TMPRSS13: variants seen among roughly 807,000 people sequenced by gnomAD.
TMPRSS13 encodes transmembrane serine protease 13, also known as transmembrane protease serine 13.
TMPRSS13 carries 50 observed loss-of-function variants against 68.4 expected under a neutral mutation model. The observed-to-expected ratio is 0.73, with a 90% CI of 0.58 to 0.93. The LOEUF is 0.93. TMPRSS13 is among the 40% of genes least tolerant of loss of function. The pLI, the probability that TMPRSS13 is intolerant of heterozygous loss-of-function variation, is 0.00. For missense variants in TMPRSS13, 615 were observed against 729.2 expected, an observed-to-expected ratio of 0.84 and a Z score of 1.80; for synonymous variants, 267 against 285.8, an observed-to-expected ratio of 0.93 and a Z score of 0.66.
At position 117,914,520 on chromosome 11, in the gene TMPRSS13, G is replaced by A. The variant is rs2057556023; in HGVS notation, c.557-6C>T. On this transcript the variant is annotated splice_polypyrimidine_tract_variant and splice_region_variant and intron_variant, in intron 3 of 12. Transcript: ENST00000524993. The surrounding 1 kb of genome is among the most constrained non-coding windows in gnomAD (Gnocchi z 4.2). ...GTGGCCCTGCCAGAACTGGACTAGA[G>A]AAAAAGAAGCAGACAGCTGGGTCAT... The A allele has an allele frequency of 2.5e-6, 4 of 1,613,596 alleles. No individual in the cohort carries two copies. Among genetic ancestry groups the A allele is most frequent in the African/African-American group, 1.3e-5 (1 of 74,884 alleles).
At chr11:117,909,696 T>A (rs2057500540) in intron 8 of TMPRSS13, 110 bp downstream of exon 8, 3 of 1,346,882 alleles carry the variant, frequency 2.2e-6, no homozygotes, top group Non-Finnish European at 3.0e-6. Flanking sequence ...CCATGGGGGC[T>A]GGACTCACAC....
Position 117,927,928 on chromosome 11 carries a change from T to C in TMPRSS13, c.21+1359A>G, listed in dbSNP as rs773662831. 3.7e-4 allele frequency among the ~76,000 whole-genome samples: 57 copies of C among 152,328 alleles called. 1 individual carries two copies. Among genetic ancestry groups the C allele is most frequent in the Admixed American group, 2.6e-4 (4 of 15,306 alleles). On this transcript the variant is annotated intron_variant, in intron 1 of 12. Transcript: ENST00000524993. The stretch of plus-strand genomic sequence containing the variant: ...TTGGGAGTTCCTCAAAGAAGTCTGT[T>C]CTCTGTCCTGTATCCCTCCAGCAGC...
Position 117,908,648 on chromosome 11 carries a change from C to A in TMPRSS13, c.1246G>T (p.Ala416Ser), listed in dbSNP as rs1400869297. ...YTDEEDDYDI[A>S]LMRLSKPLTL... ...AGGGGCTTGGACAGCCGCATGAGGG[C>A]GATGTCATAGTCGTCCTCCTCATCG... Residue 416 changes from alanine to serine, a missense_variant, in exon 9 of 13, where the codon GCC (alanine) becomes TCC (serine). Physicochemically the swap from Ala to Ser is moderately conservative, Grantham distance 99. Transcript: ENST00000524993. The A allele has an allele frequency of 6.3e-7, 1 of 1,576,820 alleles. No individual in the cohort carries two copies. The highest frequency in any genetic ancestry group is 8.6e-7 in the Non-Finnish European group (1 of 1,161,830).
chr11:117,919,313 T>G (rs2057619162), intron 1 of TMPRSS13, among the ~76,000 whole-genome samples: 1 of 152,240 alleles, frequency 6.6e-6, no homozygotes, highest in Non-Finnish European at 1.5e-5. Flanking sequence ...AAAATATTGT[T>G]CTTACTATGA....
chr11:117,902,349 A>G, intron 12 of TMPRSS13, 84 bp from the exon 13 acceptor site: 2 of 1,490,376 alleles, frequency 1.3e-6, no homozygotes. Context: ...TTCAGAACCT[A>G]TAATTTAGCC....
intron 5 of TMPRSS13, among the ~76,000 whole-genome samples, chr11:117,912,699 G>A (rs922082745): frequency 2.0e-5 from 3 of 152,198 alleles, no homozygotes; most frequent in Non-Finnish European, 4.4e-5. Flanking sequence ...TGCCCTTAGT[G>A]CTTCACCCAC....
At chr11:117,908,486 T>C in intron 9 of TMPRSS13, 126 bp downstream of exon 9, 2 of 993,532 alleles carry the variant, frequency 2.0e-6, no homozygotes, top group Non-Finnish European at 3.0e-6. Context: ...TCTTTAAGAG[T>C]CTTTGACTTC....
chr11:117,918,446 C>G lies in TMPRSS13; in HGVS notation c.414G>C (p.Arg138Ser). 6.2e-7 allele frequency: 1 copy of G among 1,614,110 alleles called. No homozygotes were observed. ...TGGTGGCCCTGGTTGCTGGTGCTGACCTGGCAGGAGATGATCGGATGGGTA... is the reference window on the plus strand; with the variant it reads ...TGGTGGCCCTGGTTGCTGGTGCTGAGCTGGCAGGAGATGATCGGATGGGTA... ...GAVPIRSSPA[R>S]SAPATRATRE... The change falls in exon 2 of 13, where the codon AGG (arginine) becomes AGC (serine). Residue 138 changes from arginine to serine, a missense_variant. By Grantham distance (110) the Arg-to-Ser change is moderately radical. Transcript: ENST00000524993.
chr11:117,920,004 G>T (rs1264137349), intron 1 of TMPRSS13, among the ~76,000 whole-genome samples: 1 of 152,232 alleles, frequency 6.6e-6, no homozygotes, highest in Non-Finnish European at 1.5e-5. Context: ...GTTACCACAG[G>T]GATCTTGGTC....
At chr11:117,913,930 G>A in intron 4 of TMPRSS13, 24 bp from the exon 5 acceptor site, 3 of 1,611,228 alleles carry the variant, frequency 1.9e-6, no homozygotes, top group Non-Finnish European at 1.7e-6. Flanking sequence ...AAAAGGCAGA[G>A]CAGGTCCTCA....
Position 117,908,667 on chromosome 11 carries a change from C to A in TMPRSS13, c.1227G>T (p.Glu409Asp). ...TGAGGGCGATGTCATAGTCGTCCTC[C>A]TCATCGGTGTAATTGCTGTTGATGA... ...EIIINSNYTD[E>D]EDDYDIALMR... The change falls in exon 9 of 13, where the codon GAG (glutamate) becomes GAT (aspartate). Residue 409 changes from glutamate (E) to aspartate (D), a missense_variant. Coordinates refer to ENST00000524993, the MANE Select transcript of TMPRSS13 (RefSeq NM_001077263.3). 2 of 1,589,600 alleles carry A rather than the reference C, an allele frequency of 1.3e-6. No homozygotes were observed.
intron 9 of TMPRSS13, among the ~76,000 whole-genome samples, chr11:117,906,155 A>G (rs1486949024): frequency 6.6e-6 from 1 of 152,232 alleles, no homozygotes; most frequent in Non-Finnish European, 1.5e-5. Context: ...TGACCATGGC[A>G]TCTCAGCGGT....
chr11:117,926,658 C>A (rs371710699), intron 1 of TMPRSS13, among the ~76,000 whole-genome samples: 12 of 152,320 alleles, frequency 7.9e-5, no homozygotes, highest in East Asian at 3.9e-4. Flanking sequence ...TTGTCAAGAA[C>A]AAATCTGGTG....
chr11:117,907,924 C>A (rs2057479983), intron 9 of TMPRSS13: 1 of 680,668 alleles, frequency 1.5e-6, no homozygotes, highest in Non-Finnish European at 1.8e-6. Context: ...TGAATGAAGT[C>A]TTCTTTGACG....
In TMPRSS13 at chr11:117,914,358, C is replaced by T; in HGVS notation, c.679+34G>A. 5 of 1,610,424 alleles carry T rather than the reference C, an allele frequency of 3.1e-6. No individual in the cohort carries two copies. Among genetic ancestry groups the T allele is most frequent in the Non-Finnish European group, 4.2e-6 (5 of 1,179,576 alleles). ...AGGCACACAAACACATGCACATGCA[C>T]ACGCACGCGCTCCCCCGCACCCAGC... On this transcript the variant is annotated intron_variant, in intron 4 of 12. Coordinates refer to ENST00000524993, the MANE Select transcript of TMPRSS13 (RefSeq NM_001077263.3). The surrounding 1 kb of genome is among the most constrained non-coding windows in gnomAD (Gnocchi z 4.2).
At position 117,914,642 on chromosome 11, in the gene TMPRSS13, C is replaced by A. The variant is rs1205793964; in HGVS notation, c.557-128G>T. 6.7e-7 allele frequency: 1 copy of A among 1,495,450 alleles called. No homozygotes were observed. The highest frequency in any genetic ancestry group is 9.0e-7 in the Non-Finnish European group (1 of 1,115,890). The allele number at this position is 1,495,450 out of a possible 1,614,324, so 92.6% of individuals were successfully genotyped here. A position where few individuals can be genotyped will look rare whatever the true frequency, so the allele number is the denominator to read the frequency against. The stretch of plus-strand genomic sequence containing the variant: ...CCTCTTGAACTCTGGGGCTCTCATC[C>A]CCCATCTGTATGGAGAGAAAGGCTG... On this transcript the variant is annotated intron_variant, in intron 3 of 12. Transcript: ENST00000524993. This position sits in a 1 kb window ranked among gnomAD's most constrained non-coding sequence, Gnocchi z 4.2.
At chr11:117,928,232 G>A (rs949407780) in intron 1 of TMPRSS13, among the ~76,000 whole-genome samples, 6 of 152,178 alleles carry the variant, frequency 3.9e-5, no homozygotes, top group African/African-American at 1.4e-4. Context: ...ACCCCCCAAG[G>A]CCTAGGGCCA....
In TMPRSS13 at chr11:117,913,647, G is replaced by T; in HGVS notation, c.809+130C>A. 3 of 1,199,828 alleles carry T rather than the reference G, an allele frequency of 2.5e-6. No individual in the cohort carries two copies. In the South Asian group the frequency reaches 4.7e-5, roughly 19 times the overall value. 74.3% of individuals were successfully genotyped at this position (1,199,828 alleles called of 1,614,324 possible). ...ACTCTGAACACCTCGAGGGTGTCCA[G>T]AGCTAGTGAGATCAGCCCCGGTCCC... On this transcript the variant is annotated intron_variant, in intron 5 of 12. Transcript: ENST00000524993.
chr11:117,919,115 G>C (rs546694048), intron 1 of TMPRSS13, among the ~76,000 whole-genome samples: 1 of 152,168 alleles, frequency 6.6e-6, no homozygotes, highest in Non-Finnish European at 1.5e-5. Context: ...GGGGTTGGGG[G>C]TCACCTGCTT....
Sources: gnomAD v4.1 joint callset for allele counts (sites outside exome capture counted in the v4.1 genomes callset) on GRCh38, gnomAD v4.1.1 for gene constraint, Gnocchi (gnomAD v3.1) non-coding constraint, MANE v1.5 for transcripts, NCBI Gene and HGNC (gene_info 2026-07-23, HGNC 2026-07-21) for gene names.